The following KCNJ1 variants were observed in gnomAD, a reference collection of about 807,000 sequenced individuals.
KCNJ1 encodes potassium inwardly rectifying channel subfamily J member 1, also known as ATP-sensitive inward rectifier potassium channel 1.
KCNJ1 carries 24 observed loss-of-function variants against 21.9 expected under a neutral mutation model. That is an observed-to-expected ratio of 1.10 (90% CI 0.79 to 1.54). KCNJ1 has a LOEUF of 1.54. Among genes scored for constraint, KCNJ1 ranks in the 40% most tolerant of loss-of-function variants. The pLI is 0.00. For synonymous variants in KCNJ1, 152 were observed against 160.9 expected (o/e 0.94, Z 0.42); for missense variants, 457 against 455.4 (o/e 1.00, Z -0.03).
chr11:128,860,525 A>G (rs933827173), intron 1 of KCNJ1, among the ~76,000 whole-genome samples: 3 of 152,256 alleles, frequency 2.0e-5, no homozygotes, highest in Non-Finnish European at 4.4e-5. Flanking sequence ...CTGTGCCGTC[A>G]CTAAGTCAGA....
chr11:128,860,682 A>C (rs1324447353), intron 1 of KCNJ1, among the ~76,000 whole-genome samples: 1 of 152,238 alleles, frequency 6.6e-6, no homozygotes, highest in Non-Finnish European at 1.5e-5. Context: ...GGTGACCCCA[A>C]GGGGCAGGCG....
At chr11:128,844,913 G>C (rs1021377059) in intron 2 of KCNJ1, among the ~76,000 whole-genome samples, 5 of 152,262 alleles carry the variant, frequency 3.3e-5, no homozygotes, top group East Asian at 3.9e-4. Context: ...CACATCCTTA[G>C]GTAACTTTAG....
chr11:128,864,863 C>T (rs943710376), intron 1 of KCNJ1, among the ~76,000 whole-genome samples: 8 of 152,134 alleles, frequency 5.3e-5, no homozygotes, highest in African/African-American at 1.7e-4. Flanking sequence ...ATTACCCGGC[C>T]GTGGTCTTAC....
chr11:128,839,485 A>C lies in KCNJ1; in HGVS notation c.759T>G (p.Ile253Met). ...FISPLTIYHV[I>M]DHNSPFFHMA... ...TGTGGAAGAAAGGGCTGTTGTGATCAATGACATGGTAAATTGTCAATGGGG... is the reference window on the plus strand; with the variant it reads ...TGTGGAAGAAAGGGCTGTTGTGATCCATGACATGGTAAATTGTCAATGGGG... The change falls in exon 3 of 3, where the codon ATT (isoleucine) becomes ATG (methionine). Residue 253 changes from isoleucine to methionine, a missense_variant. By Grantham distance (10) the Ile-to-Met change is conservative. Transcript: ENST00000392666. The C allele has an allele frequency of 6.2e-7, 1 of 1,614,230 alleles. No homozygotes were observed. Among genetic ancestry groups the C allele is most frequent in the Non-Finnish European group, 8.5e-7 (1 of 1,180,042 alleles).
chr11:128,856,064 C>T (rs1943582950), intron 1 of KCNJ1, among the ~76,000 whole-genome samples: 1 of 152,114 alleles, frequency 6.6e-6, no homozygotes, highest in Non-Finnish European at 1.5e-5. Context: ...GAAGGTTCTC[C>T]CACCAGAACT....
At chr11:128,855,592 A>G (rs1943573494) in intron 1 of KCNJ1, among the ~76,000 whole-genome samples, 1 of 152,224 alleles carries the variant, frequency 6.6e-6, no homozygotes, top group Non-Finnish European at 1.5e-5. Flanking sequence ...AAGGCGGTGT[A>G]GAGCTGGGCT....
At chr11:128,862,803 T>C (rs999797570) in intron 1 of KCNJ1, among the ~76,000 whole-genome samples, 1 of 152,222 alleles carries the variant, frequency 6.6e-6, no homozygotes, top group African/African-American at 2.4e-5. Flanking sequence ...TCATCAGCAG[T>C]CCAACACTTC....
intron 1 of KCNJ1, among the ~76,000 whole-genome samples, chr11:128,855,485 A>C (rs759906286): frequency 6.6e-6 from 1 of 152,250 alleles, no homozygotes; most frequent in Non-Finnish European, 1.5e-5. Flanking sequence ...ATCAGCATTA[A>C]GATTGAAGAC....
intron 2 of KCNJ1, among the ~76,000 whole-genome samples, chr11:128,844,756 A>T (rs1943349968): frequency 6.6e-6 from 1 of 152,118 alleles, no homozygotes; most frequent in Non-Finnish European, 1.5e-5. Context: ...TCAAACAGCC[A>T]CTATGTCAAA....
At chr11:128,858,705 G>A (rs1191495564) in intron 1 of KCNJ1, among the ~76,000 whole-genome samples, 1 of 152,198 alleles carries the variant, frequency 6.6e-6, no homozygotes. Context: ...GAGCGTCTAT[G>A]TCACTCTGTG....
intron 1 of KCNJ1, among the ~76,000 whole-genome samples, chr11:128,865,630 G>C (rs1265451164): frequency 6.6e-6 from 1 of 152,094 alleles, no homozygotes; most frequent in Non-Finnish European, 1.5e-5. Context: ...TCCACTGAGA[G>C]GGCACCAGGA....
intron 1 of KCNJ1, among the ~76,000 whole-genome samples, chr11:128,861,475 G>A (rs1943706247): frequency 6.6e-6 from 1 of 152,308 alleles, no homozygotes; most frequent in South Asian, 2.1e-4. Flanking sequence ...CAGAAAGGAA[G>A]CTGCAAGGGA....
rs1440149916 is a variant in KCNJ1 at position 128,838,865 on chromosome 11, A to G, written c.*260T>C. On this transcript the variant is annotated 3_prime_UTR_variant, in exon 3 of 3. Coordinates refer to ENST00000392666, the MANE Select transcript of KCNJ1 (RefSeq NM_153766.3). ...AATCCACCTTATATGAGCTCAAATA[A>G]TCATATTTAAGATTTCAAGAGAGCA... is the stretch of plus-strand genomic sequence containing the variant. The G allele has an allele frequency of 3.9e-6, 2 of 506,890 alleles. No individual in the cohort carries two copies. The highest frequency in any genetic ancestry group is 3.8e-5 in the African/African-American group (2 of 52,032). The allele number at this position is 506,890 out of a possible 1,614,324, so 31.4% of individuals were successfully genotyped here.
intron 1 of KCNJ1, among the ~76,000 whole-genome samples, chr11:128,865,879 C>T (rs534098793): frequency 6.6e-6 from 1 of 152,224 alleles, no homozygotes; most frequent in East Asian, 1.9e-4. Context: ...ATCAGGCAAA[C>T]CAAAAGTCAT....
chr11:128,853,524 C>G (rs1024888875), intron 1 of KCNJ1, among the ~76,000 whole-genome samples: 7 of 152,168 alleles, frequency 4.6e-5, no homozygotes, highest in Admixed American at 2.0e-4. Context: ...GGAGTGACTG[C>G]TAATGGGCAC....
At chr11:128,852,143 C>A (rs1943488149) in intron 1 of KCNJ1, among the ~76,000 whole-genome samples, 1 of 152,222 alleles carries the variant, frequency 6.6e-6, no homozygotes, top group African/African-American at 2.4e-5. Context: ...ATCTATCTTA[C>A]AGATGGATGG....
At chr11:128,859,894 G>T (rs1168413728) in intron 1 of KCNJ1, among the ~76,000 whole-genome samples, 2 of 152,252 alleles carry the variant, frequency 1.3e-5, no homozygotes, top group Non-Finnish European at 2.9e-5. Context: ...GTAACTAGAA[G>T]TGACCTTGAA....
intron 1 of KCNJ1, among the ~76,000 whole-genome samples, chr11:128,856,580 A>G (rs948606585): frequency 6.6e-6 from 1 of 152,236 alleles, no homozygotes; most frequent in African/African-American, 2.4e-5. Context: ...CTCTAAAAAA[A>G]TGTCCTAGCA....
In KCNJ1 at chr11:128,856,855, G is replaced by T. The variant is rs1943600374; in HGVS notation, c.-191-5965C>A. Among the ~76,000 whole-genome samples the T allele has an allele frequency of 3.3e-5, 5 of 151,898 alleles. No homozygotes were observed. The South Asian group carries it at 1.0e-3, about 32-fold the overall frequency. ...CCAGGCCACCATAATTCCTTGGTTGGGCTACAAAACTCGCCTGCTCCTTGA... is the reference window on the plus strand; with the variant it reads ...CCAGGCCACCATAATTCCTTGGTTGTGCTACAAAACTCGCCTGCTCCTTGA... On this transcript the variant is annotated intron_variant, in intron 1 of 2. Transcript: ENST00000392666.
Sources: allele counts gnomAD v4.1 joint callset (sites outside exome capture counted in the v4.1 genomes callset), GRCh38; gene constraint gnomAD v4.1.1; transcripts MANE v1.5; gene names NCBI Gene and HGNC (gene_info 2026-07-23, HGNC 2026-07-21).